NBEA: variants seen among roughly 807,000 people sequenced by gnomAD.
NBEA encodes lysosomal-trafficking regulator 2.
In NBEA, 44 loss-of-function variants were observed where a neutral mutation model predicts 343.4. The ratio of observed to expected loss-of-function variants is 0.13; its 90% confidence interval spans 0.10 to 0.16. The LOEUF (loss-of-function observed/expected upper bound fraction) is 0.16. NBEA is among the 10% of genes least tolerant of loss of function. NBEA has a pLI of 1.00. For synonymous variants in NBEA, 1,175 were observed against 1,238.7 expected, an observed-to-expected ratio of 0.95 and a Z score of 1.08; for missense variants, 2,555 against 3,631.3, an observed-to-expected ratio of 0.70 and a Z score of 7.62.
chr13:35,652,380 C>A (rs1223814819), intron 53 of NBEA, among the ~76,000 whole-genome samples: 2 of 151,030 alleles, frequency 1.3e-5, no homozygotes, highest in African/African-American at 4.9e-5. Flanking sequence ...GTGGCTCACT[C>A]CTGTAATCCC....
intron 27 of NBEA, among the ~76,000 whole-genome samples, chr13:35,176,482 T>C (rs762240459): frequency 6.6e-5 from 10 of 152,058 alleles, no homozygotes; most frequent in Non-Finnish European, 1.2e-4. Context: ...AACTATAAAA[T>C]GTTTTGTTGG....
At chr13:35,489,243 T>G (rs1369564911) in intron 41 of NBEA, among the ~76,000 whole-genome samples, 2 of 151,884 alleles carry the variant, frequency 1.3e-5, no homozygotes, top group African/African-American at 4.8e-5. Flanking sequence ...AGAAACATTC[T>G]CAAGTGAAGA....
chr13:35,138,129 T>A (rs17051877), intron 17 of NBEA, among the ~76,000 whole-genome samples: 4,302 of 152,228 alleles, frequency 0.028, 91 homozygotes, highest in South Asian at 0.075. Flanking sequence ...TTTCAATTGA[T>A]CAGCAATTCT....
intron 38 of NBEA, among the ~76,000 whole-genome samples, chr13:35,405,720 C>A (rs1333883240): frequency 6.6e-6 from 1 of 152,006 alleles, no homozygotes; most frequent in African/African-American, 2.4e-5. Flanking sequence ...GGATTTCTAA[C>A]AGTAATCAAA....
At chr13:35,595,318 C>T (rs1458665123) in intron 47 of NBEA, among the ~76,000 whole-genome samples, 5 of 152,030 alleles carry the variant, frequency 3.3e-5, no homozygotes, top group African/African-American at 1.2e-4. Flanking sequence ...CCTCAAGCAG[C>T]TGTACTGAAC....
intron 34 of NBEA, among the ~76,000 whole-genome samples, chr13:35,262,634 A>C (rs893037798): frequency 6.6e-6 from 1 of 152,204 alleles, no homozygotes; most frequent in African/African-American, 2.4e-5. Context: ...TAACAAAATC[A>C]TACTGATGAA....
intron 10 of NBEA, among the ~76,000 whole-genome samples, chr13:35,094,633 A>T (rs1183826094): frequency 6.6e-6 from 1 of 151,996 alleles, no homozygotes; most frequent in Non-Finnish European, 1.5e-5. Flanking sequence ...TGTGGACTTG[A>T]ATTGATTAAC....
At chr13:35,333,470 C>T (rs2039056138) in intron 36 of NBEA, among the ~76,000 whole-genome samples, 1 of 151,982 alleles carries the variant, frequency 6.6e-6, no homozygotes, top group Non-Finnish European at 1.5e-5. Flanking sequence ...TACAAGTGTG[C>T]AATGCATAAT....
At chr13:34,985,622 T>G (rs115590926) in intron 1 of NBEA, among the ~76,000 whole-genome samples, 2,418 of 151,070 alleles carry the variant, frequency 0.016, 88 homozygotes, top group African/African-American at 0.05. Context: ...TGCTACCAGC[T>G]CCTTTTTGTA....
chr13:35,430,186 T>TTTAATTTGC (rs1426724473), intron 38 of NBEA, among the ~76,000 whole-genome samples: 2 of 152,152 alleles, frequency 1.3e-5, no homozygotes, highest in Non-Finnish European at 2.9e-5. Context: ...GCATTGTGGT[T>TTTAATTTGC]TTAATTTGCA....
At chr13:35,517,746 ATT>A (rs1038881161) in intron 41 of NBEA, among the ~76,000 whole-genome samples, 1 of 152,116 alleles carries the variant, frequency 6.6e-6, no homozygotes, top group Non-Finnish European at 1.5e-5. Context: ...TCTACTATAT[ATT>A]TTATTGTAGT....
At chr13:35,563,889 CTTTTA>C (rs200546234) in intron 44 of NBEA, among the ~76,000 whole-genome samples, 1,571 of 148,338 alleles carry the variant, frequency 0.011, 35 homozygotes, top group African/African-American at 0.037. Context: ...TTTTTTTTAA[CTTTTA>C]TTTTAGGTTC....
intron 38 of NBEA, among the ~76,000 whole-genome samples, chr13:35,400,569 G>A (rs2042958517): frequency 6.6e-6 from 1 of 151,990 alleles, no homozygotes; most frequent in Non-Finnish European, 1.5e-5. Context: ...AAGAACCTTA[G>A]AGCTCATATT....
At chr13:35,174,376 G>C (rs1450447770) in intron 27 of NBEA, among the ~76,000 whole-genome samples, 1 of 151,946 alleles carries the variant, frequency 6.6e-6, no homozygotes, top group African/African-American at 2.4e-5. Flanking sequence ...TCTGTTTGTT[G>C]TTTTCATAAA....
intron 10 of NBEA, among the ~76,000 whole-genome samples, chr13:35,085,088 T>G (rs1055116812): frequency 1.3e-5 from 2 of 152,234 alleles, no homozygotes; most frequent in South Asian, 4.1e-4. Flanking sequence ...GAGGCAATAA[T>G]TAATAGCTTA....
At chr13:34,989,199 C>T (rs1342689362) in intron 1 of NBEA, among the ~76,000 whole-genome samples, 1 of 151,008 alleles carries the variant, frequency 6.6e-6, no homozygotes, top group Non-Finnish European at 1.5e-5. Flanking sequence ...TTCATCCTTA[C>T]AATAATTAAA....
intron 41 of NBEA, chr13:35,474,976 G>C: frequency 7.1e-7 from 1 of 1,401,724 alleles, no homozygotes; most frequent in Non-Finnish European, 9.8e-7. Flanking sequence ...CTGCGGAGTG[G>C]AATATTAGGA....
chr13:35,464,422 C>T (rs1424280663), intron 40 of NBEA, among the ~76,000 whole-genome samples: 1 of 152,228 alleles, frequency 6.6e-6, no homozygotes, highest in Non-Finnish European at 1.5e-5. Context: ...CAAATTTCTA[C>T]CCATCCATCA....
chr13:35,192,294 T>G (rs2072260560), intron 30 of NBEA, among the ~76,000 whole-genome samples: 1 of 152,024 alleles, frequency 6.6e-6, no homozygotes, highest in African/African-American at 2.4e-5. Context: ...TTGAAGTTTA[T>G]GGTATCAACT....
Sources: gnomAD v4.1 joint callset for allele counts (sites outside exome capture counted in the v4.1 genomes callset) on GRCh38, gnomAD v4.1.1 for gene constraint, MANE v1.5 for transcripts, NCBI Gene and HGNC (gene_info 2026-07-23, HGNC 2026-07-21) for gene names.